The following PCDH15 variants were observed in gnomAD, a reference collection of about 807,000 sequenced individuals.
The protein encoded by PCDH15 is protocadherin-15.
In PCDH15, 129 loss-of-function variants were observed where a neutral mutation model predicts 178.5. The ratio of observed to expected loss-of-function variants is 0.72; its 90% confidence interval spans 0.63 to 0.84. The LOEUF is 0.84. PCDH15 is among the 40% of genes least tolerant of loss of function. The pLI is 0.00. For missense variants in PCDH15, 2,230 were observed against 2,099.9 expected, an observed-to-expected ratio of 1.06 and a Z score of -1.21; for synonymous variants, 800 against 732.0, an observed-to-expected ratio of 1.09 and a Z score of -1.50.
At chr10:54,240,852 G>C (rs921426290) in intron 8 of PCDH15, among the ~76,000 whole-genome samples, 8 of 151,834 alleles carry the variant, frequency 5.3e-5, no homozygotes, top group South Asian at 4.2e-4. Flanking sequence ...AGGATGGTCT[G>C]GATCTCTTGA....
intron 2 of PCDH15, among the ~76,000 whole-genome samples, chr10:55,129,292 G>A (rs1270599637): frequency 1.3e-5 from 2 of 152,080 alleles, no homozygotes; most frequent in Non-Finnish European, 2.9e-5. Context: ...TAACAAACAC[G>A]AGAGGTGTAT....
intron 11 of PCDH15, among the ~76,000 whole-genome samples, chr10:54,192,054 AAGGC>A (rs1339705113): frequency 7.3e-5 from 11 of 150,440 alleles, no homozygotes; most frequent in Non-Finnish European, 1.5e-4. Context: ...GGAAGGCAGG[AAGGC>A]AGGCAGGCAG....
chr10:55,123,963 T>A (rs1837836544), intron 2 of PCDH15, among the ~76,000 whole-genome samples: 1 of 151,840 alleles, frequency 6.6e-6, no homozygotes, highest in South Asian at 2.1e-4. Flanking sequence ...CAGGCTGGAG[T>A]CTGCAGAACT....
intron 2 of PCDH15, among the ~76,000 whole-genome samples, chr10:55,375,654 C>T (rs992886753): frequency 2.6e-5 from 4 of 152,064 alleles, no homozygotes; most frequent in African/African-American, 9.7e-5. Flanking sequence ...TCTTAGAGTA[C>T]TTGCACTGGT....
chr10:54,874,687 T>C (rs1262036997), intron 3 of PCDH15, among the ~76,000 whole-genome samples: 3 of 152,154 alleles, frequency 2.0e-5, no homozygotes, highest in East Asian at 1.9e-4. Context: ...GAAAATTTTA[T>C]AGAAGATATA....
intron 13 of PCDH15, among the ~76,000 whole-genome samples, chr10:54,153,541 A>T (rs2044779658): frequency 1.3e-5 from 2 of 152,164 alleles, no homozygotes; most frequent in African/African-American, 2.4e-5. Flanking sequence ...TAAACTTTGG[A>T]TCTTGAAGGC....
At chr10:55,348,797 A>T (rs1009993224) in intron 2 of PCDH15, among the ~76,000 whole-genome samples, 1 of 152,152 alleles carries the variant, frequency 6.6e-6, no homozygotes, top group Non-Finnish European at 1.5e-5. Context: ...AACTGAAAGG[A>T]AAGAATGGTA....
chr10:54,499,922 G>C (rs2080498809), intron 3 of PCDH15, among the ~76,000 whole-genome samples: 1 of 152,078 alleles, frequency 6.6e-6, no homozygotes, highest in South Asian at 2.1e-4. Flanking sequence ...ACTAACATTT[G>C]ACCCAGAAAT....
chr10:55,087,539 A>T (rs1459072586), intron 2 of PCDH15, among the ~76,000 whole-genome samples: 1 of 152,150 alleles, frequency 6.6e-6, no homozygotes, highest in Non-Finnish European at 1.5e-5. Context: ...CATCAATAAG[A>T]ATTTGTTTCA....
At chr10:54,605,947 G>A (rs2092722134) in intron 2 of PCDH15, 1 of 152,226 alleles carries the variant, frequency 6.6e-6, no homozygotes, top group African/African-American at 2.4e-5. Context: ...TGAAGCTAGA[G>A]GCTTGCTTTT....
At chr10:54,673,046 A>C (rs1033922507) in intron 1 of PCDH15, among the ~76,000 whole-genome samples, 1 of 152,140 alleles carries the variant, frequency 6.6e-6, no homozygotes, top group Non-Finnish European at 1.5e-5. Flanking sequence ...CATTTAAACA[A>C]TGTAAAATTA....
intron 3 of PCDH15, among the ~76,000 whole-genome samples, chr10:54,861,877 T>C (rs1226443866): frequency 6.6e-6 from 1 of 152,196 alleles, no homozygotes; most frequent in Non-Finnish European, 1.5e-5. Flanking sequence ...GTTGCTTCTC[T>C]CAGGAAATGA....
intron 1 of PCDH15, among the ~76,000 whole-genome samples, chr10:54,766,662 G>A (rs1018315284): frequency 6.6e-6 from 1 of 152,118 alleles, no homozygotes; most frequent in African/African-American, 2.4e-5. Context: ...AGGCGTGGTG[G>A]CTCACGCCTG....
chr10:55,351,118 G>C (rs1229702132), intron 2 of PCDH15, among the ~76,000 whole-genome samples: 2 of 144,640 alleles, frequency 1.4e-5, no homozygotes, highest in African/African-American at 2.6e-5. Flanking sequence ...CTTCTGCCAT[G>C]TGTTAGACAA....
chr10:55,513,558 C>A (rs1464350033), intron 2 of PCDH15, among the ~76,000 whole-genome samples: 2 of 151,990 alleles, frequency 1.3e-5, no homozygotes, highest in Admixed American at 6.6e-5. Context: ...AATGTTGGAA[C>A]AATGTACATA....
At chr10:53,953,694 A>T (rs1045945935) in intron 23 of PCDH15, among the ~76,000 whole-genome samples, 1 of 152,194 alleles carries the variant, frequency 6.6e-6, no homozygotes, top group Non-Finnish European at 1.5e-5. Flanking sequence ...TTTATTGAGT[A>T]TAGGGTTGTC....
At chr10:54,604,947 A>G (rs2092685061) in intron 2 of PCDH15, among the ~76,000 whole-genome samples, 1 of 151,502 alleles carries the variant, frequency 6.6e-6, no homozygotes, top group Admixed American at 6.6e-5. Flanking sequence ...TACTATGGCT[A>G]TTTTCTGTGT....
chr10:54,369,423 CAA>C (rs1056838306), intron 4 of PCDH15, 148 bp from the exon 5 acceptor site: 1 of 768,622 alleles, frequency 1.3e-6, no homozygotes, highest in African/African-American at 1.8e-5. Flanking sequence ...ATTTTAAGGA[CAA>C]GAGAAGACAA....
intron 2 of PCDH15, among the ~76,000 whole-genome samples, chr10:55,087,859 G>C (rs986567410): frequency 6.6e-6 from 1 of 152,058 alleles, no homozygotes; most frequent in Non-Finnish European, 1.5e-5. Context: ...CTACATGGTA[G>C]CCTAACATTA....
Sources: allele counts gnomAD v4.1 joint callset (sites outside exome capture counted in the v4.1 genomes callset), GRCh38; gene constraint gnomAD v4.1.1; transcripts MANE v1.5; gene names NCBI Gene and HGNC (gene_info 2026-07-23, HGNC 2026-07-21).